Variants in CLIC4 observed in about 807,000 individuals in gnomAD.
The protein encoded by CLIC4 is CLIC family member 4.
Under a neutral mutation model 24.6 loss-of-function variants are expected in CLIC4, and 13 were observed. The observed-to-expected ratio is 0.53, with a 90% CI of 0.34 to 0.84. The LOEUF is 0.84. CLIC4 is among the 40% of genes least tolerant of loss of function. CLIC4 has a pLI of 0.01. For missense variants in CLIC4, 227 were observed against 301.7 expected (o/e 0.75, Z 1.83); for synonymous variants, 104 against 111.3 (o/e 0.93, Z 0.41).
At chr1:24,825,006 A>G (rs953345335) in intron 3 of CLIC4, among the ~76,000 whole-genome samples, 3 of 148,736 alleles carry the variant, frequency 2.0e-5, no homozygotes, top group African/African-American at 5.1e-5. Flanking sequence ...TCACACACAC[A>G]CACACACACA....
intron 1 of CLIC4, among the ~76,000 whole-genome samples, chr1:24,752,349 T>C (rs917205712): frequency 6.6e-6 from 1 of 152,144 alleles, no homozygotes; most frequent in Non-Finnish European, 1.5e-5. Flanking sequence ...CACCCCTCAG[T>C]CCAGGAGAAT....
chr1:24,767,306 A>G (rs915750120), intron 1 of CLIC4, among the ~76,000 whole-genome samples: 14 of 152,192 alleles, frequency 9.2e-5, no homozygotes, highest in African/African-American at 3.1e-4. Flanking sequence ...AAGAGTTAAT[A>G]TAAGAAAAGC....
chr1:24,767,033 A>G (rs1322448926), intron 1 of CLIC4, among the ~76,000 whole-genome samples: 2 of 150,680 alleles, frequency 1.3e-5, no homozygotes, highest in East Asian at 3.9e-4. Context: ...CTAAAAAAAA[A>G]AAAAAAAAAA....
chr1:24,767,849 A>G (rs931308130), intron 1 of CLIC4, among the ~76,000 whole-genome samples: 7 of 150,830 alleles, frequency 4.6e-5, no homozygotes, highest in Admixed American at 4.0e-4. Context: ...TTATATATAT[A>G]TATATTTTTT....
chr1:24,797,938 C>A, intron 2 of CLIC4, 87 bp downstream of exon 2: 2 of 873,590 alleles, frequency 2.3e-6, no homozygotes, highest in Admixed American at 2.5e-5. Context: ...CACATATTCT[C>A]TAAAGGAAAT....
chr1:24,764,079 A>G (rs1039426492), intron 1 of CLIC4, among the ~76,000 whole-genome samples: 1 of 152,172 alleles, frequency 6.6e-6, no homozygotes, highest in Non-Finnish European at 1.5e-5. Context: ...TATTCTTTAT[A>G]AGTGCTGTGC....
intron 3 of CLIC4, among the ~76,000 whole-genome samples, chr1:24,816,530 G>A (rs1451020150): frequency 6.6e-6 from 1 of 152,096 alleles, no homozygotes; most frequent in Non-Finnish European, 1.5e-5. Context: ...GGTGTGGTAT[G>A]AGCCACCAGA....
At chr1:24,820,560 G>T (rs1438633138) in intron 3 of CLIC4, among the ~76,000 whole-genome samples, 1 of 151,922 alleles carries the variant, frequency 6.6e-6, no homozygotes, top group Non-Finnish European at 1.5e-5. Flanking sequence ...TGTCATGACT[G>T]GTCCCTTTTT....
intron 1 of CLIC4, among the ~76,000 whole-genome samples, chr1:24,749,594 G>GT (rs1387020774): frequency 3.3e-5 from 5 of 152,258 alleles, no homozygotes; most frequent in Admixed American, 2.6e-4. Flanking sequence ...CAGCAGGATG[G>GT]TTTTTTTGGT....
Position 24,841,161 on chromosome 1 carries a change from C to T in CLIC4, c.*224C>T. On this transcript the variant is annotated 3_prime_UTR_variant, in exon 6 of 6. Coordinates refer to ENST00000374379, the MANE Select transcript of CLIC4 (RefSeq NM_013943.3). ...CCTGGCTACCTCCCCTACCCGGGTT[C>T]CCCTCTCTTTAATTTGGAGACACTC... 3.3e-6 allele frequency: 1 copy of T among 299,718 alleles called. No homozygotes were observed. Among genetic ancestry groups the T allele is most frequent in the Non-Finnish European group, 6.1e-6 (1 of 164,142 alleles). 18.6% of individuals were successfully genotyped at this position (299,718 alleles called of 1,614,324 possible).
At chr1:24,786,682 A>G (rs1178592677) in intron 1 of CLIC4, among the ~76,000 whole-genome samples, 4 of 152,086 alleles carry the variant, frequency 2.6e-5, no homozygotes, top group African/African-American at 4.8e-5. Flanking sequence ...CAGTGGTGCT[A>G]TCTCTGCTCA....
At chr1:24,816,303 GATCTCGGCTCACTGCA>G (rs1639668302) in intron 3 of CLIC4, among the ~76,000 whole-genome samples, 2 of 140,762 alleles carry the variant, frequency 1.4e-5, no homozygotes, top group Admixed American at 7.9e-5. Context: ...GCAGTGATGC[GATCTCGGCTCACTGCA>G]ACCTCCACCT....
chr1:24,751,206 TC>T (rs1229054160), intron 1 of CLIC4, among the ~76,000 whole-genome samples: 1 of 119,246 alleles, frequency 8.4e-6, no homozygotes, highest in African/African-American at 3.0e-5. Flanking sequence ...ATACTTCCAG[TC>T]TTTTTTTTTT....
intron 4 of CLIC4, among the ~76,000 whole-genome samples, chr1:24,829,405 ATAAT>A (rs1639818301): frequency 6.6e-6 from 1 of 152,216 alleles, no homozygotes; most frequent in African/African-American, 2.4e-5. Flanking sequence ...TAACACATAT[ATAAT>A]TCTTTTGATA....
At chr1:24,772,790 G>C (rs939605442) in intron 1 of CLIC4, among the ~76,000 whole-genome samples, 1 of 152,066 alleles carries the variant, frequency 6.6e-6, no homozygotes. Flanking sequence ...GGCTGATTTT[G>C]TAATATATTT....
intron 2 of CLIC4, among the ~76,000 whole-genome samples, chr1:24,812,481 T>C (rs764339707): frequency 2.5e-4 from 38 of 152,308 alleles, no homozygotes; most frequent in Non-Finnish European, 4.6e-4. Context: ...TACCCATCTT[T>C]ACACAATTAG....
At chr1:24,754,407 G>A (rs1428227351) in intron 1 of CLIC4, among the ~76,000 whole-genome samples, 3 of 152,164 alleles carry the variant, frequency 2.0e-5, no homozygotes, top group Non-Finnish European at 4.4e-5. Flanking sequence ...TTCCTGTTTC[G>A]TTAGAGCTGT....
chr1:24,808,782 T>G (rs941992323), intron 2 of CLIC4, among the ~76,000 whole-genome samples: 4 of 151,782 alleles, frequency 2.6e-5, no homozygotes, highest in African/African-American at 9.7e-5. Flanking sequence ...GTTCAAGCGA[T>G]TCTCCTGCCT....
intron 4 of CLIC4, among the ~76,000 whole-genome samples, chr1:24,838,462 G>A (rs1014253871): frequency 6.6e-6 from 1 of 152,204 alleles, no homozygotes; most frequent in Non-Finnish European, 1.5e-5. Context: ...ACCAAGGGCT[G>A]AGTGGGTGGC....
Sources: allele counts gnomAD v4.1 joint callset (sites outside exome capture counted in the v4.1 genomes callset), GRCh38; gene constraint gnomAD v4.1.1; transcripts MANE v1.5; gene names NCBI Gene and HGNC (gene_info 2026-07-23, HGNC 2026-07-21).